Variants in BCL11B observed in about 807,000 individuals in gnomAD.
BCL11B encodes the protein BCL11 transcription factor B.
A neutral mutation model predicts 49.9 loss-of-function variants in BCL11B; 8 were observed. The ratio of observed to expected loss-of-function variants is 0.16; its 90% CI spans 0.09 to 0.29. The LOEUF (loss-of-function observed/expected upper bound fraction) is 0.29, where lower values mean the gene tolerates loss of function less well. Ranked by LOEUF, BCL11B falls within the 10% of genes least tolerant of loss-of-function variation. The pLI, the probability that BCL11B is intolerant of heterozygous loss-of-function variation, is 1.00. For missense variants in BCL11B, 1,006 were observed against 1,351.0 expected (o/e 0.74, Z 4.00); for synonymous variants, 739 against 637.4 (o/e 1.16, Z -2.40).
intron 3 of BCL11B, among the ~76,000 whole-genome samples, chr14:99,214,665 A>G (rs967761394): frequency 6.6e-6 from 1 of 152,078 alleles, no homozygotes; most frequent in Non-Finnish European, 1.5e-5. Flanking sequence ...ACATTTAAAT[A>G]TTAAAAAAAT....
chr14:99,199,675 TGTGTGTGTGCGCGCGCGCGCGCAC>T lies in BCL11B; in HGVS notation c.641-23504_641-23481del, dbSNP rs1198209422. Among the ~76,000 whole-genome samples the T allele has an allele frequency of 3.5e-3, 301 of 84,824 alleles. 3 individuals carry two copies. The highest frequency in any genetic ancestry group is 7.3e-3 in the African/African-American group (159 of 21,636). The allele number at this position is 84,824 out of a possible 152,430, so 55.6% of individuals were successfully genotyped here. ...GTGTGTGTGTGTGTGTGTGTGTGTG[TGTGTGTGTGCGCGCGCGCGCGCAC>T]GTGCACGTGTGTGCGTGTGTGCATG... On this transcript the variant is annotated intron_variant, in intron 3 of 3. Transcript: ENST00000357195.
chr14:99,199,019 A>C (rs1887264333), intron 3 of BCL11B, among the ~76,000 whole-genome samples: 1 of 152,096 alleles, frequency 6.6e-6, no homozygotes, highest in African/African-American at 2.4e-5. Context: ...GTTGTCCAAA[A>C]CAATCATTTT....
rs1049205885 is a variant in BCL11B at position 99,184,644 on chromosome 14, G to A, written c.641-8449C>T. Among the ~76,000 whole-genome samples, 12 of 152,286 alleles carry A rather than the reference G, an allele frequency of 7.9e-5. No individual in the cohort carries two copies. Among genetic ancestry groups the A allele is most frequent in the African/African-American group, 2.9e-4 (12 of 41,550 alleles). ...AACTGGCTGCCCCTCACACAGGGATGGCAGACCCTGTGGTGACCATCCCTG... is the reference window on the plus strand; with the variant it reads ...AACTGGCTGCCCCTCACACAGGGATAGCAGACCCTGTGGTGACCATCCCTG... On this transcript the variant is annotated intron_variant, in intron 3 of 3. Transcript: ENST00000357195. The surrounding 1 kb of genome is among the most constrained non-coding windows in gnomAD (Gnocchi z 6.1).
intron 3 of BCL11B, among the ~76,000 whole-genome samples, chr14:99,208,796 C>T (rs1022283899): frequency 2.6e-5 from 4 of 152,224 alleles, no homozygotes; most frequent in Non-Finnish European, 5.9e-5. Context: ...TCCATTCACC[C>T]ACCCAGCAGA....
intron 2 of BCL11B, among the ~76,000 whole-genome samples, chr14:99,236,214 G>A (rs924904483): frequency 6.6e-6 from 1 of 152,180 alleles, no homozygotes; most frequent in Non-Finnish European, 1.5e-5. Context: ...TCATAAACAA[G>A]ATAGGCAGAT....
chr14:99,201,046 AGTG>A (rs1156668359), intron 3 of BCL11B, among the ~76,000 whole-genome samples: 1 of 152,218 alleles, frequency 6.6e-6, no homozygotes, highest in Non-Finnish European at 1.5e-5. Flanking sequence ...CAGGTCGGAC[AGTG>A]GACACACAGC....
Position 99,231,243 on chromosome 14 carries a change from G to A in BCL11B, c.640+102C>T, listed in dbSNP as rs1380177386. ...GGCACCCCAAAAAGCCTTCTGGGTG[G>A]GAGCTGCCCTTCCTCCCTGGGTCCC... On this transcript the variant is annotated intron_variant, in intron 3 of 3. Coordinates refer to ENST00000357195, the MANE Select transcript of BCL11B (RefSeq NM_138576.4). The surrounding 1 kb of genome is among the most constrained non-coding windows in gnomAD (Gnocchi z 8.1). The A allele has an allele frequency of 1.5e-6, 2 of 1,292,590 alleles. No homozygotes were observed. Among genetic ancestry groups the A allele is most frequent in the African/African-American group, 1.5e-5 (1 of 66,290 alleles). 80.1% of individuals were successfully genotyped at this position (1,292,590 alleles called of 1,614,324 possible). A position where few individuals can be genotyped will look rare whatever the true frequency, so the allele number is the denominator to read the frequency against.
chr14:99,265,617 C>T (rs1017101741), intron 1 of BCL11B, among the ~76,000 whole-genome samples: 1 of 152,186 alleles, frequency 6.6e-6, no homozygotes, highest in Non-Finnish European at 1.5e-5. Flanking sequence ...GACCACCGTC[C>T]GGCCCAAGAC....
Position 99,192,016 on chromosome 14 carries a change from A to C in BCL11B, c.641-15821T>G, listed in dbSNP as rs1340807351. ...AAAACACGATCCAGAGAGATTACATAAAAAGTACAATTAAGGGACGCTCAG... is the reference window on the plus strand; with the variant it reads ...AAAACACGATCCAGAGAGATTACATCAAAAGTACAATTAAGGGACGCTCAG... On this transcript the variant is annotated intron_variant, in intron 3 of 3. Transcript: ENST00000357195. The surrounding 1 kb of genome is among the most constrained non-coding windows in gnomAD (Gnocchi z 4.0). Among the ~76,000 whole-genome samples the C allele has an allele frequency of 6.6e-6, 1 of 152,226 alleles. No homozygotes were observed. The highest frequency in any genetic ancestry group is 1.5e-5 in the Non-Finnish European group (1 of 68,042).
At chr14:99,188,300 G>C (rs1464830248) in intron 3 of BCL11B, among the ~76,000 whole-genome samples, 1 of 152,122 alleles carries the variant, frequency 6.6e-6, no homozygotes, top group African/African-American at 2.4e-5. Context: ...CTTATGAATG[G>C]GGGGAACACT....
rs1886523754 is a variant in BCL11B, at chr14:99,176,213, C to T, written c.641-18G>A. 2 of 1,605,854 alleles carry T rather than the reference C, an allele frequency of 1.2e-6. No homozygotes were observed. The highest frequency in any genetic ancestry group is 4.5e-5 in the East Asian group (2 of 44,562). ...ATCTTTACCTGGGGAAACACACGGA[C>T]AGAAAGGCAGAGACAGCGTGAGAAG... is the stretch of plus-strand genomic sequence containing the variant. On this transcript the variant is annotated intron_variant, in intron 3 of 3. Coordinates refer to ENST00000357195, the MANE Select transcript of BCL11B (RefSeq NM_138576.4).
chr14:99,243,989 G>T (rs955299219), intron 2 of BCL11B, among the ~76,000 whole-genome samples: 1 of 146,438 alleles, frequency 6.8e-6, no homozygotes, highest in East Asian at 2.0e-4. Flanking sequence ...GGCAGGGCTC[G>T]GAAGCACACA....
chr14:99,230,674 G>A (rs546955327), intron 3 of BCL11B, among the ~76,000 whole-genome samples: 1 of 152,270 alleles, frequency 6.6e-6, no homozygotes, highest in African/African-American at 2.4e-5. Context: ...TCTGTAGAAT[G>A]GGCAGCCACA....
intron 2 of BCL11B, among the ~76,000 whole-genome samples, chr14:99,245,550 G>T (rs1888800451): frequency 1.3e-5 from 2 of 152,226 alleles, no homozygotes; most frequent in Admixed American, 6.5e-5. Context: ...GGAACCGCCC[G>T]CTCTGTCCCG....
At chr14:99,229,011 G>A (rs1888238680) in intron 3 of BCL11B, among the ~76,000 whole-genome samples, 2 of 109,546 alleles carry the variant, frequency 1.8e-5, no homozygotes, top group African/African-American at 6.5e-5. Context: ...TGAATGGATG[G>A]ATGGATGGAT....
chr14:99,257,600 G>C lies in BCL11B; in HGVS notation c.298C>G (p.Pro100Ala). The change falls in exon 2 of 4, where the codon CCC becomes GCC. Residue 100 changes from proline (P) to alanine (A), a missense_variant. Pro to Ala is a conservative substitution (Grantham distance 27). This residue lies in a region of BCL11B where 411 missense variants were observed against 542.2 expected (regional missense o/e 0.76). Coordinates refer to ENST00000357195, the MANE Select transcript of BCL11B (RefSeq NM_138576.4). The surrounding 1 kb of genome is among the most constrained non-coding windows in gnomAD (Gnocchi z 6.2). ...DKALDKDSPP[P>A]SSRSELRKVS... The stretch of plus-strand genomic sequence containing the variant: ...TTCCTGAGCTCGGAGCGTGAGGAGG[G>C]TGGCGGGCTGTCCTTGTCCAGGGCC... 1.1e-5 allele frequency: 17 copies of C among 1,614,050 alleles called. No homozygotes were observed. Among genetic ancestry groups the C allele is most frequent in the Non-Finnish European group, 1.1e-5 (13 of 1,179,964 alleles).
At chr14:99,203,834 G>A (rs938533697) in intron 3 of BCL11B, among the ~76,000 whole-genome samples, 8 of 152,068 alleles carry the variant, frequency 5.3e-5, no homozygotes, top group African/African-American at 7.2e-5. Flanking sequence ...GCTGGGGGCC[G>A]GGGGAGCGCA....
rs370846546 is a variant in BCL11B at position 99,257,061 on chromosome 14, T to C, written c.427+410A>G. Among the ~76,000 whole-genome samples, 9 of 152,150 alleles carry C rather than the reference T, an allele frequency of 5.9e-5. No homozygotes were observed. The highest frequency in any genetic ancestry group is 2.2e-4 in the African/African-American group (9 of 41,432). On this transcript the variant is annotated intron_variant, in intron 2 of 3. Transcript: ENST00000357195. The surrounding 1 kb of genome is among the most constrained non-coding windows in gnomAD (Gnocchi z 6.2). ...AATGAGGTGGGTTTCCTTAGCTCCA[T>C]TTCACAGATGGGCAAACTAACATGT...
At chr14:99,190,043 T>C (rs762152088) in intron 3 of BCL11B, among the ~76,000 whole-genome samples, 12 of 152,234 alleles carry the variant, frequency 7.9e-5, no homozygotes, top group Non-Finnish European at 1.6e-4. Context: ...CAGCACCTGC[T>C]GACAATCCAA....
Sources: allele counts gnomAD v4.1 joint callset (sites outside exome capture counted in the v4.1 genomes callset), GRCh38; gene constraint gnomAD v4.1.1; regional missense constraint gnomAD v4.1.1; non-coding constraint Gnocchi (gnomAD v3.1); transcripts MANE v1.5; gene names NCBI Gene and HGNC (gene_info 2026-07-23, HGNC 2026-07-21).